The following CERK variants were observed in gnomAD, a reference collection of about 807,000 sequenced individuals.
CERK encodes ceramide kinase, also known as acylsphingosine kinase.
A neutral mutation model predicts 63.4 loss-of-function variants in CERK; 39 were observed. The observed-to-expected ratio is 0.61, with a 90% CI of 0.48 to 0.80. CERK has a LOEUF of 0.80. CERK is among the 30% of genes least tolerant of loss of function. The pLI is 0.00. For missense variants in CERK, 670 were observed against 714.1 expected, an observed-to-expected ratio of 0.94 and a Z score of 0.70; for synonymous variants, 302 against 280.0, an observed-to-expected ratio of 1.08 and a Z score of -0.78.
At chr22:46,713,402 G>A (rs1293785421) in intron 3 of CERK, among the ~76,000 whole-genome samples, 1 of 151,534 alleles carries the variant, frequency 6.6e-6, no homozygotes, top group East Asian at 1.9e-4. Flanking sequence ...CCAGCTACTT[G>A]GGAGGCTGAG....
chr22:46,721,968 G>A (rs2082894860), intron 1 of CERK, among the ~76,000 whole-genome samples: 2 of 152,220 alleles, frequency 1.3e-5, no homozygotes, highest in South Asian at 2.1e-4. Context: ...AGAGCTGTGG[G>A]AGGTGACGGG....
intron 6 of CERK, among the ~76,000 whole-genome samples, chr22:46,702,221 A>ATGTGTGTGTGTG (rs1466132272): frequency 1.8e-5 from 2 of 113,370 alleles, no homozygotes; most frequent in South Asian, 2.9e-4. Context: ...AAAAATATAT[A>ATGTGTGTGTGTG]TATGTGTGTG....
At chr22:46,701,158 T>C (rs911394867) in intron 7 of CERK, among the ~76,000 whole-genome samples, 1 of 152,236 alleles carries the variant, frequency 6.6e-6, no homozygotes, top group African/African-American at 2.4e-5. Flanking sequence ...CTGAGTGCCA[T>C]GGGCAGCCCC....
chr22:46,698,427 T>C (rs1311763594), intron 8 of CERK, among the ~76,000 whole-genome samples: 1 of 152,262 alleles, frequency 6.6e-6, no homozygotes, highest in East Asian at 1.9e-4. Flanking sequence ...GTATCTCACT[T>C]GTATGGCTAG....
chr22:46,728,092 G>A (rs1023214873), intron 1 of CERK, among the ~76,000 whole-genome samples: 3 of 152,140 alleles, frequency 2.0e-5, no homozygotes, highest in Admixed American at 2.0e-4. Context: ...AAATGAATCA[G>A]ACTAATCCTA....
rs202015254 is a variant in CERK at position 46,691,622 on chromosome 22, T to C, written c.1282A>G (p.Arg428Gly). The C allele has an allele frequency of 1.8e-5, 29 of 1,614,022 alleles. No homozygotes were observed. The highest frequency in any genetic ancestry group is 8.5e-7 in the Non-Finnish European group (1 of 1,180,040). Residue 428 changes from arginine (R) to glycine (G), a missense_variant, in exon 11 of 13, where the codon AGG (arginine) becomes GGG (glycine). Arg to Gly is a moderately radical substitution (Grantham distance 125). Coordinates refer to ENST00000216264, the MANE Select transcript of CERK (RefSeq NM_022766.6). ...ATGAGAAATCTCAGAAAATTGAACCTGGAGCATTTCCGGATGAGGATGAGG... is the reference window on the plus strand; with the variant it reads ...ATGAGAAATCTCAGAAAATTGAACCCGGAGCATTTCCGGATGAGGATGAGG... Reference protein sequence around the residue: ...SDLILIRKCSRFNFLRFLIRH... With the variant: ...SDLILIRKCSGFNFLRFLIRH...
chr22:46,711,587 G>T (rs1292247438), intron 4 of CERK, among the ~76,000 whole-genome samples: 3 of 152,294 alleles, frequency 2.0e-5, no homozygotes, highest in East Asian at 3.9e-4. Context: ...TGTGATGTGA[G>T]ATTATTTCTA....
chr22:46,708,946 C>A (rs1167617843), intron 5 of CERK, among the ~76,000 whole-genome samples: 1 of 152,120 alleles, frequency 6.6e-6, no homozygotes, highest in Non-Finnish European at 1.5e-5. Context: ...CTGCCCATTC[C>A]CCAGTGGGTC....
intron 3 of CERK, among the ~76,000 whole-genome samples, chr22:46,715,998 C>A (rs528889594): frequency 6.6e-6 from 1 of 152,098 alleles, no homozygotes; most frequent in African/African-American, 2.4e-5. Context: ...CCAGCCTGGG[C>A]AACACAGCAA....
At chr22:46,732,156 C>T (rs1028621453) in intron 1 of CERK, among the ~76,000 whole-genome samples, 2 of 152,078 alleles carry the variant, frequency 1.3e-5, no homozygotes, top group Non-Finnish European at 2.9e-5. Flanking sequence ...ACAGCCGAAT[C>T]GAGAACCCAG....
chr22:46,712,455 G>A (rs2082846151), intron 3 of CERK, among the ~76,000 whole-genome samples, 162 bp from the exon 4 acceptor site: 1 of 152,174 alleles, frequency 6.6e-6, no homozygotes, highest in Admixed American at 6.5e-5. Flanking sequence ...AGAGCTTCCT[G>A]ATCTATGAAA....
chr22:46,717,177 C>T (rs1215803874), intron 3 of CERK, among the ~76,000 whole-genome samples: 1 of 152,170 alleles, frequency 6.6e-6, no homozygotes, highest in African/African-American at 2.4e-5. Context: ...AGATGTGGGG[C>T]AACCAGAACT....
chr22:46,728,228 G>A (rs754796457), intron 1 of CERK, among the ~76,000 whole-genome samples: 82 of 152,252 alleles, frequency 5.4e-4, no homozygotes, highest in Non-Finnish European at 9.9e-4. Context: ...CCGTCCTAGG[G>A]ATGAGACGGG....
intron 1 of CERK, among the ~76,000 whole-genome samples, chr22:46,726,034 G>A (rs801589): frequency 0.018 from 2,679 of 152,332 alleles, 68 homozygotes; most frequent in African/African-American, 0.06. Context: ...ACTGAGCCAC[G>A]CGCAGTGGCC....
chr22:46,707,698 C>T (rs2146563926), intron 6 of CERK, 145 bp downstream of exon 6: 1 of 930,884 alleles, frequency 1.1e-6, no homozygotes. Flanking sequence ...ATGATATCCC[C>T]CCAAGAGTGG....
Position 46,693,516 on chromosome 22 carries a change from A to T in CERK, c.1050-13T>A, listed in dbSNP as rs1569319208. The stretch of plus-strand genomic sequence containing the variant: ...GCAAACAAAGCATCTGAAAGACAAG[A>T]ATATCATCACCTTTTAAATATGGAG... On this transcript the variant is annotated splice_polypyrimidine_tract_variant and intron_variant, in intron 9 of 12. Transcript: ENST00000216264. The T allele has an allele frequency of 1.2e-6, 2 of 1,611,496 alleles. No individual in the cohort carries two copies. The highest frequency in any genetic ancestry group is 1.1e-5 in the South Asian group (1 of 91,026).
At chr22:46,707,671 T>C (rs115630111) in intron 6 of CERK, among the ~76,000 whole-genome samples, 172 bp downstream of exon 6, 2,342 of 152,324 alleles carry the variant, frequency 0.015, 72 homozygotes, top group African/African-American at 0.053. Context: ...GTCTATTTCA[T>C]TGGGGTCATA....
chr22:46,703,769 G>A (rs1467921217), intron 6 of CERK, among the ~76,000 whole-genome samples: 2 of 152,078 alleles, frequency 1.3e-5, no homozygotes, highest in African/African-American at 2.4e-5. Context: ...AGAGTCAGAC[G>A]TCACCCCCTG....
intron 3 of CERK, 118 bp downstream of exon 3, chr22:46,719,968 T>C: frequency 7.3e-7 from 1 of 1,361,416 alleles, no homozygotes; most frequent in Middle Eastern, 2.7e-4. Flanking sequence ...TGACTCATCA[T>C]GTCCACCTGG....
Sources: allele counts gnomAD v4.1 joint callset (sites outside exome capture counted in the v4.1 genomes callset), GRCh38; gene constraint gnomAD v4.1.1; transcripts MANE v1.5; gene names NCBI Gene and HGNC (gene_info 2026-07-23, HGNC 2026-07-21).